CAMK2D: variants seen among roughly 807,000 people sequenced by gnomAD.
The protein encoded by CAMK2D is calcium/calmodulin-dependent protein kinase type II subunit delta.
A neutral mutation model predicts 84.0 loss-of-function variants in CAMK2D; 37 were observed. The observed-to-expected ratio is 0.44, with a 90% CI of 0.34 to 0.58. CAMK2D has a LOEUF of 0.58. Ranked by LOEUF, CAMK2D falls within the 20% of genes least tolerant of loss-of-function variation. The pLI is 0.02. For missense variants in CAMK2D, 448 were observed against 652.5 expected, an observed-to-expected ratio of 0.69 and a Z score of 3.41; for synonymous variants, 202 against 212.5, an observed-to-expected ratio of 0.95 and a Z score of 0.43.
At chr4:113,717,984 A>G (rs748974854) in intron 2 of CAMK2D, among the ~76,000 whole-genome samples, 20 of 152,006 alleles carry the variant, frequency 1.3e-4, no homozygotes, top group Non-Finnish European at 1.0e-4. Flanking sequence ...GCACAAGGAG[A>G]AGACTTAAAT....
chr4:113,584,908 A>G (rs563351885), intron 4 of CAMK2D, among the ~76,000 whole-genome samples: 4 of 152,298 alleles, frequency 2.6e-5, no homozygotes, highest in African/African-American at 7.2e-5. Flanking sequence ...CTAAAGACCC[A>G]TTAAAAACTG....
chr4:113,577,873 C>T (rs6533700), intron 4 of CAMK2D, among the ~76,000 whole-genome samples: 110,396 of 151,848 alleles, frequency 0.73, 40,376 homozygotes, highest in Middle Eastern at 0.78. Flanking sequence ...CTGTATTTGT[C>T]ATGAAAGAGT....
chr4:113,684,031 T>C (rs1055185685), intron 2 of CAMK2D, among the ~76,000 whole-genome samples: 1 of 152,162 alleles, frequency 6.6e-6, no homozygotes, highest in Non-Finnish European at 1.5e-5. Flanking sequence ...ACCTACCTCA[T>C]GGAATTGTTG....
intron 4 of CAMK2D, among the ~76,000 whole-genome samples, chr4:113,563,206 A>G (rs2098706813): frequency 6.6e-6 from 1 of 152,178 alleles, no homozygotes; most frequent in African/African-American, 2.4e-5. Context: ...GTGAGCCGAG[A>G]TCACGCCATT....
At chr4:113,597,098 A>G (rs6825041) in intron 4 of CAMK2D, among the ~76,000 whole-genome samples, 5,670 of 152,196 alleles carry the variant, frequency 0.037, 353 homozygotes, top group African/African-American at 0.13. Context: ...GATTACAGGC[A>G]TGAGCCACCG....
chr4:113,627,618 A>C (rs559570182), intron 3 of CAMK2D, among the ~76,000 whole-genome samples: 7 of 152,318 alleles, frequency 4.6e-5, no homozygotes, highest in African/African-American at 1.7e-4. Context: ...AAGGCACATC[A>C]CAACCTTCTT....
chr4:113,639,606 G>C (rs911289410), intron 3 of CAMK2D, among the ~76,000 whole-genome samples: 5 of 151,988 alleles, frequency 3.3e-5, no homozygotes, highest in Admixed American at 1.3e-4. Context: ...GGAAGGCTGG[G>C]GGGTGATGCC....
At chr4:113,629,036 AAT>A (rs775614249) in intron 3 of CAMK2D, among the ~76,000 whole-genome samples, 7 of 150,510 alleles carry the variant, frequency 4.7e-5, no homozygotes, top group Non-Finnish European at 5.9e-5. Flanking sequence ...TAAGCAGTAA[AAT>A]ATATATATAT....
chr4:113,559,154 G>A (rs1053688760), intron 4 of CAMK2D, among the ~76,000 whole-genome samples: 1 of 151,296 alleles, frequency 6.6e-6, no homozygotes, highest in African/African-American at 2.4e-5. Context: ...ACATTCTAAA[G>A]ATAACAAGAA....
chr4:113,724,176 C>T (rs1169411506), intron 2 of CAMK2D, among the ~76,000 whole-genome samples: 2 of 151,860 alleles, frequency 1.3e-5, no homozygotes, highest in Middle Eastern at 3.2e-3. Context: ...TTCTACTTTT[C>T]GTATGTTTTG....
chr4:113,511,971 T>C (rs2098220472), intron 12 of CAMK2D, among the ~76,000 whole-genome samples: 1 of 152,184 alleles, frequency 6.6e-6, no homozygotes, highest in African/African-American at 2.4e-5. Context: ...AATAATGATA[T>C]GATGGATTAT....
At chr4:113,485,964 C>T (rs2097762220) in intron 16 of CAMK2D, among the ~76,000 whole-genome samples, 1 of 152,188 alleles carries the variant, frequency 6.6e-6, no homozygotes, top group African/African-American at 2.4e-5. Flanking sequence ...GTACCTTCCC[C>T]TTTAAAGCTA....
At chr4:113,510,548 T>C (rs1243755467) in intron 12 of CAMK2D, among the ~76,000 whole-genome samples, 1 of 152,074 alleles carries the variant, frequency 6.6e-6, no homozygotes, top group African/African-American at 2.4e-5. Context: ...AAAAATCTAC[T>C]AAGGAATGTG....
At chr4:113,712,849 C>A (rs754818588) in intron 2 of CAMK2D, among the ~76,000 whole-genome samples, 1 of 151,806 alleles carries the variant, frequency 6.6e-6, no homozygotes, top group Non-Finnish European at 1.5e-5. Flanking sequence ...TCCTTTCTAC[C>A]TAGGGATAAA....
intron 4 of CAMK2D, among the ~76,000 whole-genome samples, chr4:113,588,787 G>GA (rs1277514882): frequency 2.0e-5 from 3 of 151,268 alleles, no homozygotes; most frequent in African/African-American, 7.3e-5. Flanking sequence ...GATCAAAAGA[G>GA]AAAAAAGTCC....
At chr4:113,558,209 T>C (rs1005096334) in intron 4 of CAMK2D, among the ~76,000 whole-genome samples, 1 of 152,244 alleles carries the variant, frequency 6.6e-6, no homozygotes, top group East Asian at 1.9e-4. Context: ...TCAGTTTTCA[T>C]AATCACCATT....
intron 2 of CAMK2D, among the ~76,000 whole-genome samples, chr4:113,757,525 G>A (rs910910607): frequency 3.3e-5 from 5 of 152,188 alleles, no homozygotes; most frequent in African/African-American, 7.2e-5. Context: ...TCTTAGGTAC[G>A]TTAACCTACA....
rs1161939370 is a variant in CAMK2D, at chr4:113,572,341, A to C, written c.276-20245T>G. 2.0e-5 allele frequency among the ~76,000 whole-genome samples: 3 copies of C among 152,142 alleles called. No individual in the cohort carries two copies. The East Asian group carries it at 5.8e-4, about 29-fold the overall frequency. ...AAAGCCCTCTGAGACTATTTATAAG[A>C]TTTAAAAAATATGGTAAAAAGGGCC... On this transcript the variant is annotated intron_variant, in intron 4 of 20. Transcript: ENST00000511664.
chr4:113,698,165 T>C (rs1452061445), intron 2 of CAMK2D, among the ~76,000 whole-genome samples: 4 of 152,122 alleles, frequency 2.6e-5, no homozygotes, highest in Non-Finnish European at 5.9e-5. Context: ...TCTCATGTAA[T>C]TTATTGAATA....
Sources: allele counts gnomAD v4.1 joint callset (sites outside exome capture counted in the v4.1 genomes callset), GRCh38; gene constraint gnomAD v4.1.1; transcripts MANE v1.5; gene names NCBI Gene and HGNC (gene_info 2026-07-23, HGNC 2026-07-21).